The following CRACR2A variants were observed in gnomAD, a reference collection of about 807,000 sequenced individuals.
CRACR2A encodes the protein calcium release activated channel regulator 2A, also known as EF-hand calcium-binding domain-containing protein 4B.
Under a neutral mutation model 90.5 loss-of-function variants are expected in CRACR2A, and 79 were observed. The observed-to-expected ratio is 0.87, with a 90% CI of 0.73 to 1.05. The LOEUF is 1.05. Among genes scored for constraint, CRACR2A ranks in the 50% least tolerant of loss-of-function variants. CRACR2A has a pLI of 0.00. For synonymous variants in CRACR2A, 338 were observed against 356.7 expected (o/e 0.95, Z 0.59); for missense variants, 823 against 897.2 (o/e 0.92, Z 1.06).
chr12:3,726,064 A>C (rs1946257788), intron 2 of CRACR2A: 1 of 152,200 alleles, frequency 6.6e-6, no homozygotes, highest in Non-Finnish European at 1.5e-5. Context: ...ATATTTAGAA[A>C]CACCATCTTT....
At chr12:3,616,804 G>GA in intron 19 of CRACR2A, 150 bp downstream of exon 19, 1 of 615,698 alleles carries the variant, frequency 1.6e-6, no homozygotes, top group South Asian at 2.0e-5. Context: ...AAAGGCCCAG[G>GA]ACCCCGTTGC....
chr12:3,691,054 G>A (rs1228746790), intron 4 of CRACR2A, among the ~76,000 whole-genome samples: 1 of 152,190 alleles, frequency 6.6e-6, no homozygotes, highest in Non-Finnish European at 1.5e-5. Context: ...CACTGCAAGT[G>A]AGATGGGTCT....
At chr12:3,647,176 CCT>C (rs1188094343) in intron 11 of CRACR2A, among the ~76,000 whole-genome samples, 1 of 150,336 alleles carries the variant, frequency 6.7e-6, no homozygotes, top group Non-Finnish European at 1.5e-5. Flanking sequence ...CCTACCCTCC[CCT>C]GACATTCCCG....
chr12:3,701,843 C>T (rs1291260902), intron 3 of CRACR2A, among the ~76,000 whole-genome samples: 1 of 151,976 alleles, frequency 6.6e-6, no homozygotes, highest in Non-Finnish European at 1.5e-5. Flanking sequence ...TACCCTGATA[C>T]CAAAACTGAA....
At chr12:3,717,346 A>G (rs1347929589) in intron 2 of CRACR2A, among the ~76,000 whole-genome samples, 2 of 152,196 alleles carry the variant, frequency 1.3e-5, no homozygotes, top group Non-Finnish European at 2.9e-5. Context: ...GCTGGCCACC[A>G]AAGCTGAACA....
rs980253284 is a variant in CRACR2A at position 3,673,650 on chromosome 12, A to G, written c.525-58T>C. The G allele has an allele frequency of 5.7e-6, 9 of 1,579,292 alleles. No homozygotes were observed. In the African/African-American group the frequency reaches 9.5e-5, roughly 17 times the overall value. The stretch of plus-strand genomic sequence containing the variant: ...GGAGATGAGGCTTCACGGGAAATAC[A>G]GAGGTTCCCAGACAGGAAACTGACA... On this transcript the variant is annotated intron_variant, in intron 6 of 19. Transcript: ENST00000440314.
intron 14 of CRACR2A, among the ~76,000 whole-genome samples, chr12:3,637,191 G>C (rs950103764): frequency 1.3e-5 from 2 of 152,240 alleles, no homozygotes; most frequent in Non-Finnish European, 2.9e-5. Flanking sequence ...ATGTCGGGAT[G>C]AAAGTGTGAT....
At chr12:3,640,035 C>G (rs968019840) in intron 13 of CRACR2A, among the ~76,000 whole-genome samples, 1 of 152,158 alleles carries the variant, frequency 6.6e-6, no homozygotes, top group Non-Finnish European at 1.5e-5. Context: ...GCTTTGCAAC[C>G]AGAAAAGAAA....
Position 3,680,329 on chromosome 12 carries a change from C to G in CRACR2A, c.249G>C (p.Pro83=). ...KDMQRLHKEL[P]LSLEELEDVF... ...CATCCTCCAGTTCCTCCAGGCTGAG[C>G]GGTAGCTCCTTATGCAGCCTCTGAA... Residue 83 remains proline (P), a synonymous_variant, in exon 5 of 20, where the codon CCG becomes CCC. Transcript: ENST00000440314. The G allele has an allele frequency of 2.5e-6, 4 of 1,614,036 alleles. No individual in the cohort carries two copies. The South Asian group carries it at 4.4e-5, about 18-fold the overall frequency.
At chr12:3,632,242 C>G (rs1410482002) in intron 15 of CRACR2A, among the ~76,000 whole-genome samples, 2 of 152,190 alleles carry the variant, frequency 1.3e-5, no homozygotes, top group Non-Finnish European at 2.9e-5. Context: ...CCAAGGCCTC[C>G]CCAGCCATGC....
intron 1 of CRACR2A, among the ~76,000 whole-genome samples, chr12:3,743,492 C>T (rs922002045): frequency 2.6e-5 from 4 of 152,172 alleles, no homozygotes; most frequent in Non-Finnish European, 5.9e-5. Context: ...CCCAAGGGGT[C>T]GGCCCTTTGT....
chr12:3,640,799 G>A, intron 13 of CRACR2A: 1 of 1,304,992 alleles, frequency 7.7e-7, no homozygotes, highest in Non-Finnish European at 1.0e-6. Context: ...CACAGCACAT[G>A]CCAAAATGAA....
intron 3 of CRACR2A, among the ~76,000 whole-genome samples, chr12:3,699,958 T>C (rs1028213863): frequency 3.3e-5 from 5 of 152,128 alleles, no homozygotes; most frequent in Non-Finnish European, 5.9e-5. Context: ...AGATGTAGTA[T>C]CAGAGGCTGG....
At chr12:3,740,282 A>G (rs1025854432) in intron 1 of CRACR2A, among the ~76,000 whole-genome samples, 1 of 152,188 alleles carries the variant, frequency 6.6e-6, no homozygotes, top group Admixed American at 6.5e-5. Context: ...AATAAAAGGT[A>G]GCTAAGAAAA....
intron 3 of CRACR2A, among the ~76,000 whole-genome samples, chr12:3,703,366 T>C (rs1159405083): frequency 6.6e-6 from 1 of 152,222 alleles, no homozygotes; most frequent in East Asian, 1.9e-4. Context: ...ATTACAGGCA[T>C]GAGCCACCGC....
In CRACR2A at chr12:3,673,484, G is replaced by T; in HGVS notation, c.633C>A (p.Ala211=). The T allele has an allele frequency of 6.2e-7, 1 of 1,614,080 alleles. No homozygotes were observed. The highest frequency in any genetic ancestry group is 1.3e-5 in the African/African-American group (1 of 75,024). ...ACTCCAGTTCATTCTTCTCCTCATG[G>T]GCTTCTTGGAGCTGGGAGATGATTC... ...LTRIISQLQE[A]HEEKNELECA... Residue 211 remains alanine, a synonymous_variant, in exon 7 of 20, where the codon GCC becomes GCA. Transcript: ENST00000440314.
At chr12:3,654,421 A>G in intron 9 of CRACR2A, 22 bp from the exon 10 acceptor site, 1 of 1,568,330 alleles carries the variant, frequency 6.4e-7, no homozygotes, top group Non-Finnish European at 8.6e-7. Context: ...TGGGGAGCAG[A>G]GGGGAATGAG....
chr12:3,715,792 T>C (rs1686260503), intron 2 of CRACR2A, among the ~76,000 whole-genome samples: 1 of 152,244 alleles, frequency 6.6e-6, no homozygotes, highest in Non-Finnish European at 1.5e-5. Context: ...ACAACAGCCA[T>C]ATAGTCCATC....
At position 3,656,327 on chromosome 12, in the gene CRACR2A, G is replaced by T. The variant is rs71534241; in HGVS notation, c.842C>A (p.Thr281Asn). ...GCAACATACCCTTTTCTGCTTCTGG[G>T]TGAGCTGCTCCAGCTCCTGCTCCTT... ...LCKEQELEQLTQKQKRLEGQC... is the reference protein window; with the variant it reads ...LCKEQELEQLNQKQKRLEGQC... Residue 281 changes from threonine (T) to asparagine (N), a missense_variant, in exon 9 of 20, where the codon ACC becomes AAC. Transcript: ENST00000440314. The T allele has an allele frequency of 0.027, 43,291 of 1,614,028 alleles. 697 individuals carry two copies. Among genetic ancestry groups the T allele is most frequent in the African/African-American group, 0.032 (2,365 of 74,998 alleles).
Sources: allele counts gnomAD v4.1 joint callset (sites outside exome capture counted in the v4.1 genomes callset), GRCh38; gene constraint gnomAD v4.1.1; transcripts MANE v1.5; gene names NCBI Gene and HGNC (gene_info 2026-07-23, HGNC 2026-07-21).